MCF2L: variants seen among roughly 807,000 people sequenced by gnomAD.
MCF2L encodes MCF.2 cell line derived transforming sequence like.
Under a neutral mutation model 153.4 loss-of-function variants are expected in MCF2L, and 97 were observed. That is an observed-to-expected ratio of 0.63 (90% CI 0.54 to 0.75). The LOEUF (loss-of-function observed/expected upper bound fraction) is 0.75. Ranked by LOEUF, MCF2L falls within the 30% of genes least tolerant of loss-of-function variation. MCF2L has a pLI of 0.00. For synonymous variants in MCF2L, 659 were observed against 632.2 expected, an observed-to-expected ratio of 1.04 and a Z score of -0.64; for missense variants, 1,347 against 1,495.2, an observed-to-expected ratio of 0.90 and a Z score of 1.64.
At chr13:113,041,270 A>G (rs1220115113) in intron 3 of MCF2L, among the ~76,000 whole-genome samples, 1 of 152,186 alleles carries the variant, frequency 6.6e-6, no homozygotes, top group Non-Finnish European at 1.5e-5. Context: ...TCTCCCTCAG[A>G]CACAGGCCAC....
chr13:112,908,245 T>C (rs2152930), intron 2 of MCF2L, among the ~76,000 whole-genome samples: 124,537 of 152,150 alleles, frequency 0.82, 51,239 homozygotes, highest in East Asian at 0.91. Context: ...CCAGGGCTCC[T>C]GTGTTAGGGG....
intron 2 of MCF2L, among the ~76,000 whole-genome samples, chr13:112,924,290 G>A (rs773363493): frequency 6.6e-6 from 1 of 152,036 alleles, no homozygotes; most frequent in Non-Finnish European, 1.5e-5. Context: ...GCACAGACAC[G>A]GGAGTTTACC....
intron 1 of MCF2L, among the ~76,000 whole-genome samples, chr13:113,004,197 G>A (rs2083546117): frequency 6.6e-6 from 1 of 152,174 alleles, no homozygotes; most frequent in Non-Finnish European, 1.5e-5. Context: ...TGTCCTCGGG[G>A]AGCTGGTCCC....
Position 112,969,238 on chromosome 13 carries a change from G to T in MCF2L, c.-142G>T. 1 of 1,353,854 alleles carries T rather than the reference G, an allele frequency of 7.4e-7. No homozygotes were observed. The highest frequency in any genetic ancestry group is 1.5e-5 in the African/African-American group (1 of 66,278). 83.9% of individuals were successfully genotyped at this position (1,353,854 alleles called of 1,614,324 possible). On this transcript the variant is annotated 5_prime_UTR_variant, in exon 1 of 30. Transcript: ENST00000535094. This position sits in a 1 kb window ranked among gnomAD's most constrained non-coding sequence, Gnocchi z 4.8. The stretch of plus-strand genomic sequence containing the variant: ...CGCGGAACCAATCCTGGGCAGGGAG[G>T]CGGCGGCTGGAGGCTGAAAGCGCTG...
Position 113,075,993 on chromosome 13 carries a change from T to TA in MCF2L, c.1337dup (p.Tyr446Ter), listed in dbSNP as rs748158374. Residue 446 changes from tyrosine (Y) to a stop codon, truncating the protein, a stop_gained and frameshift_variant, in exon 12 of 30, where the codon TAC becomes TAAC. Transcript: ENST00000535094. LOFTEE classifies it high-confidence loss of function. Reference protein sequence around the residue: ...TSMKWCDEGIYLLASQPVDKC... With the variant: ...TSMKWCDEGI ...CATGAAGTGGTGTGATGAAGGGATT[T>TA]ACCTGCTGGCCTCACAACCTGTGGA... is the stretch of plus-strand genomic sequence containing the variant. 1 of 1,612,162 alleles carries TA rather than the reference T, an allele frequency of 6.2e-7. No homozygotes were observed. The highest frequency in any genetic ancestry group is 8.5e-7 in the Non-Finnish European group (1 of 1,179,292).
chr13:112,979,402 G>A (rs117161198), intron 1 of MCF2L: 47,522 of 1,386,742 alleles, frequency 0.034, 955 homozygotes, highest in Non-Finnish European at 0.041. Context: ...CAGGGCAGTG[G>A]TGGCTCGGGC....
chr13:113,018,333 G>A (rs552784576), intron 2 of MCF2L, among the ~76,000 whole-genome samples: 3 of 152,252 alleles, frequency 2.0e-5, no homozygotes, highest in African/African-American at 4.8e-5. Context: ...CCCCAAAAGC[G>A]CTTCGCTTAA....
At chr13:112,955,738 G>A (rs2081749142) in intron 2 of MCF2L, among the ~76,000 whole-genome samples, 1 of 152,202 alleles carries the variant, frequency 6.6e-6, no homozygotes, top group South Asian at 2.1e-4. Context: ...CATTTTGTGA[G>A]CTTTGAATGT....
intron 16 of MCF2L, among the ~76,000 whole-genome samples, chr13:113,082,110 G>A (rs1317711960): frequency 1.3e-5 from 2 of 152,228 alleles, no homozygotes; most frequent in South Asian, 2.1e-4. Flanking sequence ...TCACCTGAGT[G>A]TAGTCGAGTG....
At chr13:113,038,889 G>T (rs184415039) in intron 3 of MCF2L, among the ~76,000 whole-genome samples, 1 of 152,112 alleles carries the variant, frequency 6.6e-6, no homozygotes, top group Non-Finnish European at 1.5e-5. Flanking sequence ...GCGGAGTCTC[G>T]CTGTGTCACC....
At chr13:113,091,131 C>T in intron 26 of MCF2L, 1 of 1,299,962 alleles carries the variant, frequency 7.7e-7, no homozygotes, top group Non-Finnish European at 1.0e-6. Context: ...CTTCTCCTAC[C>T]AGTCCTGACA....
chr13:113,093,081 C>G (rs570853048), intron 26 of MCF2L, among the ~76,000 whole-genome samples: 2 of 152,240 alleles, frequency 1.3e-5, no homozygotes, highest in African/African-American at 4.8e-5. Flanking sequence ...AGAGGCCCCA[C>G]GTGCGGTGCC....
intron 26 of MCF2L, among the ~76,000 whole-genome samples, chr13:113,091,568 A>C (rs1425022993): frequency 6.6e-6 from 1 of 152,118 alleles, no homozygotes; most frequent in Non-Finnish European, 1.5e-5. Flanking sequence ...CCTGTGGCAC[A>C]GTTTGCCCCG....
At chr13:112,996,579 A>G (rs1289930234) in intron 1 of MCF2L, among the ~76,000 whole-genome samples, 1 of 152,202 alleles carries the variant, frequency 6.6e-6, no homozygotes, top group Non-Finnish European at 1.5e-5. Flanking sequence ...AGTGCCCTTC[A>G]GAGGCCCTGC....
intron 3 of MCF2L, among the ~76,000 whole-genome samples, chr13:113,029,514 G>A (rs2085511304): frequency 6.6e-6 from 1 of 152,230 alleles, no homozygotes; most frequent in Admixed American, 6.5e-5. Context: ...TGGCAGAGGG[G>A]ACCGTCCCAG....
intron 3 of MCF2L, among the ~76,000 whole-genome samples, chr13:113,032,291 G>A (rs185335746): frequency 3.3e-4 from 50 of 152,306 alleles, no homozygotes; most frequent in African/African-American, 1.2e-3. Flanking sequence ...ACTTTGAATT[G>A]GCTTTTGAAT....
intron 2 of MCF2L, among the ~76,000 whole-genome samples, chr13:112,962,402 G>A (rs1215349582): frequency 6.6e-6 from 1 of 152,214 alleles, no homozygotes; most frequent in Non-Finnish European, 1.5e-5. Context: ...TCGGAGGCCT[G>A]CATGTGCTGG....
At chr13:113,095,941 G>A in intron 27 of MCF2L, 1 of 487,964 alleles carries the variant, frequency 2.0e-6, no homozygotes, top group Non-Finnish European at 2.9e-6. Context: ...AAAGAGGAGT[G>A]AGGCTTGGGG....
rs1249031702 is a variant in MCF2L, at chr13:113,050,674, G to GC, written c.369+5313_369+5314insC. On this transcript the variant is annotated intron_variant, in intron 4 of 29. Coordinates refer to ENST00000535094, the MANE Select transcript of MCF2L (RefSeq NM_001112732.3). ...GAGCCGTGGGGGCCGGGGCGGTGGA[G>GC]GGGGGGGTGGCTGGGGGAGCGGGGA... 5.3e-3 allele frequency among the ~76,000 whole-genome samples: 495 copies of GC among 93,122 alleles called. 9 individuals carry two copies. Among genetic ancestry groups the GC allele is most frequent in the African/African-American group, 0.021 (464 of 22,418 alleles). The allele number at this position is 93,122 out of a possible 152,430, so 61.1% of individuals were successfully genotyped here. A position where few individuals can be genotyped will look rare whatever the true frequency, so the allele number is the denominator to read the frequency against.
Sources: gnomAD v4.1 joint callset for allele counts (sites outside exome capture counted in the v4.1 genomes callset) on GRCh38, gnomAD v4.1.1 for gene constraint, Gnocchi (gnomAD v3.1) non-coding constraint, MANE v1.5 for transcripts, NCBI Gene and HGNC (gene_info 2026-07-23, HGNC 2026-07-21) for gene names.